The following SLC39A10 variants were observed in gnomAD, a reference collection of about 807,000 sequenced individuals.
SLC39A10 encodes zinc transporter ZIP10.
SLC39A10 carries 13 observed loss-of-function variants against 65.1 expected under a neutral mutation model. The observed-to-expected ratio is 0.20, with a 90% CI of 0.13 to 0.32. SLC39A10 has a LOEUF of 0.32. SLC39A10 is among the 10% of genes least tolerant of loss of function. SLC39A10 has a pLI of 1.00. For synonymous variants in SLC39A10, 321 were observed against 342.2 expected (o/e 0.94, Z 0.68); for missense variants, 831 against 1,018.4 (o/e 0.82, Z 2.50).
At chr2:195,642,671 T>A (rs576600213) in intron 2 of SLC39A10, among the ~76,000 whole-genome samples, 7 of 152,344 alleles carry the variant, frequency 4.6e-5, no homozygotes, top group African/African-American at 9.6e-5. Context: ...GGAGCTGATT[T>A]AAAATGCAGA....
At chr2:195,726,628 C>G (rs1692250316) in intron 8 of SLC39A10, among the ~76,000 whole-genome samples, 1 of 152,158 alleles carries the variant, frequency 6.6e-6, no homozygotes, top group Non-Finnish European at 1.5e-5. Context: ...GGTAGATAAT[C>G]TCCTTAGGTA....
chr2:195,640,272 T>G (rs1347108224), intron 2 of SLC39A10, among the ~76,000 whole-genome samples: 1 of 151,932 alleles, frequency 6.6e-6, no homozygotes, highest in African/African-American at 2.4e-5. Context: ...CTTAAGACAT[T>G]TTAATCTCAT....
intron 6 of SLC39A10, among the ~76,000 whole-genome samples, chr2:195,715,902 C>T (rs1439795438): frequency 2.0e-5 from 3 of 152,194 alleles, no homozygotes; most frequent in African/African-American, 4.8e-5. Context: ...TTATACCAGC[C>T]AGTCACAGCG....
intron 6 of SLC39A10, among the ~76,000 whole-genome samples, chr2:195,716,423 T>C (rs1691812151): frequency 6.6e-6 from 1 of 152,174 alleles, no homozygotes; most frequent in Non-Finnish European, 1.5e-5. Context: ...TCTTTGTGTG[T>C]GTATGTTTGT....
intron 3 of SLC39A10, among the ~76,000 whole-genome samples, chr2:195,691,865 GTTAAA>G (rs1364151296): frequency 2.0e-5 from 3 of 152,214 alleles, no homozygotes; most frequent in African/African-American, 4.8e-5. Context: ...AAGCTTTTTA[GTTAAA>G]TTAAGTCCCA....
At chr2:195,616,916 G>A (rs1014022824) in intron 2 of SLC39A10, among the ~76,000 whole-genome samples, 3 of 152,034 alleles carry the variant, frequency 2.0e-5, no homozygotes, top group African/African-American at 7.2e-5. Flanking sequence ...AAAATCTTTT[G>A]TTAAAGAGCC....
In SLC39A10 at chr2:195,735,268, C is replaced by T. The variant is rs1692554909; in HGVS notation, c.*227C>T. 1 of 357,982 alleles carries T rather than the reference C, an allele frequency of 2.8e-6. No homozygotes were observed. Among genetic ancestry groups the T allele is most frequent in the South Asian group, 1.1e-4 (1 of 8,786 alleles). The allele number at this position is 357,982 out of a possible 1,614,324, so 22.2% of individuals were successfully genotyped here. A position where few individuals can be genotyped will look rare whatever the true frequency, so the allele number is the denominator to read the frequency against. On this transcript the variant is annotated 3_prime_UTR_variant, in exon 10 of 10. Coordinates refer to ENST00000359634, the MANE Select transcript of SLC39A10 (RefSeq NM_020342.3). ...GTGATAAAGAGAGGAGAATATGGGA[C>T]TCCATGAACCAGTGTTGATATGTTT...
chr2:195,650,796 C>T (rs953354400), intron 2 of SLC39A10, among the ~76,000 whole-genome samples: 2 of 152,102 alleles, frequency 1.3e-5, no homozygotes, highest in Non-Finnish European at 2.9e-5. Context: ...ACAAGTTTGT[C>T]CCTCACCAGA....
chr2:195,710,728 T>A (rs533986734), intron 5 of SLC39A10, among the ~76,000 whole-genome samples: 13 of 152,214 alleles, frequency 8.5e-5, no homozygotes, highest in African/African-American at 3.1e-4. Flanking sequence ...AAAGGAGAGG[T>A]GATTAAGATA....
chr2:195,735,165 A>G lies in SLC39A10; in HGVS notation c.*124A>G. 9.8e-7 allele frequency: 1 copy of G among 1,018,422 alleles called. No individual in the cohort carries two copies. Among genetic ancestry groups the G allele is most frequent in the Non-Finnish European group, 1.4e-6 (1 of 721,156 alleles). 63.1% of individuals were successfully genotyped at this position (1,018,422 alleles called of 1,614,324 possible). The stretch of plus-strand genomic sequence containing the variant: ...CTTGCACTACTTACAAGTTTCATAG[A>G]TTTGAGCCTAACCACAAGAGGCTGG... On this transcript the variant is annotated 3_prime_UTR_variant, in exon 10 of 10. Coordinates refer to ENST00000359634, the MANE Select transcript of SLC39A10 (RefSeq NM_020342.3).
chr2:195,737,070 T>TGAA lies in SLC39A10; in HGVS notation c.*2031_*2033dup, dbSNP rs1395638217. 3 of 152,764 alleles carry TGAA rather than the reference T, an allele frequency of 2.0e-5. No individual in the cohort carries two copies. The highest frequency in any genetic ancestry group is 6.5e-5 in the Admixed American group (1 of 15,296). The allele number at this position is 152,764 out of a possible 1,614,324, so 9.5% of individuals were successfully genotyped here. On this transcript the variant is annotated 3_prime_UTR_variant, in exon 10 of 10. Coordinates refer to ENST00000359634, the MANE Select transcript of SLC39A10 (RefSeq NM_020342.3). ...TTGATTTAAAGCAAGTAGGTTATGC[T>TGAA]GAAGTATATAAAGAAGTTTTATATT...
chr2:195,662,146 C>T (rs542414563), intron 1 of SLC39A10, among the ~76,000 whole-genome samples: 2 of 152,136 alleles, frequency 1.3e-5, no homozygotes, highest in African/African-American at 4.8e-5. Flanking sequence ...TTTTAATCCT[C>T]TATAATGAAG....
intron 1 of SLC39A10, among the ~76,000 whole-genome samples, chr2:195,657,913 C>T (rs1414023485): frequency 6.6e-6 from 1 of 152,166 alleles, no homozygotes; most frequent in Admixed American, 6.5e-5. Flanking sequence ...CCCGGACCAA[C>T]CGAAAAGCCG....
chr2:195,660,257 CATT>C (rs1689335493), intron 1 of SLC39A10, among the ~76,000 whole-genome samples: 1 of 152,088 alleles, frequency 6.6e-6, no homozygotes, highest in Non-Finnish European at 1.5e-5. Context: ...ATCAGAAGGA[CATT>C]ATTACTAGTG....
In SLC39A10 at chr2:195,718,247, C is replaced by G; in HGVS notation, c.2066-5C>G. The G allele has an allele frequency of 6.2e-7, 1 of 1,602,842 alleles. No individual in the cohort carries two copies. Among genetic ancestry groups the G allele is most frequent in the South Asian group, 1.1e-5 (1 of 89,416 alleles). On this transcript the variant is annotated splice_region_variant and splice_polypyrimidine_tract_variant and intron_variant, in intron 7 of 9. Transcript: ENST00000359634. ...CTCACTTGTTTTTTTTCTTATCTTC[C>G]TCAGGTGCAGCTTTCAGTGCTGGAT...
rs757326451 is a variant in SLC39A10, at chr2:195,736,278, A to ATGAT, written c.*1239_*1242dup. ...CCCTGTTCTCCTACCATAATTGTGA[A>ATGAT]TGATTTGTGAGAAGTGCAAGCCATG... On this transcript the variant is annotated 3_prime_UTR_variant, in exon 10 of 10. Transcript: ENST00000359634. 1 of 159,686 alleles carries ATGAT rather than the reference A, an allele frequency of 6.3e-6. No individual in the cohort carries two copies. Among genetic ancestry groups the ATGAT allele is most frequent in the Non-Finnish European group, 1.5e-5 (1 of 68,076 alleles). 9.9% of individuals were successfully genotyped at this position (159,686 alleles called of 1,614,324 possible). A position where few individuals can be genotyped will look rare whatever the true frequency, so the allele number is the denominator to read the frequency against.
chr2:195,656,823 C>A (rs1689158189), upstream of SLC39A10: 1 of 152,206 alleles, frequency 6.6e-6, no homozygotes, highest in Non-Finnish European at 1.5e-5. Flanking sequence ...TGCCCAAGGC[C>A]TCAGCAACCG....
chr2:195,630,499 A>G (rs1264702104), intron 2 of SLC39A10, among the ~76,000 whole-genome samples: 1 of 152,130 alleles, frequency 6.6e-6, no homozygotes, highest in Non-Finnish European at 1.5e-5. Flanking sequence ...TCCTTTGCCC[A>G]TAGGGTGGGA....
intron 1 of SLC39A10, among the ~76,000 whole-genome samples, chr2:195,674,299 C>T (rs1689992965): frequency 6.6e-6 from 1 of 151,994 alleles, no homozygotes. Flanking sequence ...ATTTTTGAGA[C>T]AGAGTTTTGT....
Sources: allele counts gnomAD v4.1 joint callset (sites outside exome capture counted in the v4.1 genomes callset), GRCh38; gene constraint gnomAD v4.1.1; transcripts MANE v1.5; gene names NCBI Gene and HGNC (gene_info 2026-07-23, HGNC 2026-07-21).